OTUD7A: variants seen among roughly 807,000 people sequenced by gnomAD.
OTUD7A encodes OTU domain-containing protein 7A.
OTUD7A carries 12 observed loss-of-function variants against 65.7 expected under a neutral mutation model. That is an observed-to-expected ratio of 0.18 (90% CI 0.12 to 0.30). The LOEUF (loss-of-function observed/expected upper bound fraction) is 0.30, where lower values mean the gene tolerates loss of function less well. OTUD7A is among the 10% of genes least tolerant of loss of function. The pLI, the probability that OTUD7A is intolerant of heterozygous loss-of-function variation, is 1.00. For synonymous variants in OTUD7A, 641 were observed against 586.3 expected (o/e 1.09, Z -1.35); for missense variants, 1,148 against 1,304.8 (o/e 0.88, Z 1.85).
At chr15:31,552,956 A>G (rs999254475) in intron 5 of OTUD7A, among the ~76,000 whole-genome samples, 4 of 152,156 alleles carry the variant, frequency 2.6e-5, no homozygotes, top group African/African-American at 9.7e-5. Context: ...GGGAGTGTAA[A>G]AGTAGCTGGA....
At position 31,559,027 on chromosome 15, in the gene OTUD7A, C is replaced by T. The variant is rs748719020; in HGVS notation, c.492G>A (p.Arg164=). 7.4e-6 allele frequency: 12 copies of T among 1,614,228 alleles called. No homozygotes were observed. The highest frequency in any genetic ancestry group is 3.3e-5 in the South Asian group (3 of 91,088). ...CGATCAAGTCCCGCTCGATGAAGCTCCTGAAATCCTCGCTGTACACGCTCA... is the reference window on the plus strand; with the variant it reads ...CGATCAAGTCCCGCTCGATGAAGCTTCTGAAATCCTCGCTGTACACGCTCA... ...PDLSVYSEDF[R]SFIERDLIEQ... is the part of the protein sequence containing the mutation. The change falls in exon 5 of 13, where the codon AGG becomes AGA. Residue 164 remains arginine, a synonymous_variant. Transcript: ENST00000307050.
At chr15:31,600,760 A>G (rs1890049109) in intron 3 of OTUD7A, among the ~76,000 whole-genome samples, 1 of 152,218 alleles carries the variant, frequency 6.6e-6, no homozygotes, top group Admixed American at 6.5e-5. Context: ...AAAGGGATGG[A>G]GGAATATTTA....
chr15:31,585,600 G>A (rs1031670478), intron 3 of OTUD7A, among the ~76,000 whole-genome samples: 6 of 152,144 alleles, frequency 3.9e-5, no homozygotes, highest in South Asian at 4.2e-4. Context: ...TTCTATCTGC[G>A]GCTTCCCTGC....
At chr15:31,504,310 A>T (rs1448999510) in intron 8 of OTUD7A, among the ~76,000 whole-genome samples, 1 of 151,982 alleles carries the variant, frequency 6.6e-6, no homozygotes, top group Admixed American at 6.5e-5. Context: ...ACTCACCCCA[A>T]TGGAGGAGAA....
intron 3 of OTUD7A, among the ~76,000 whole-genome samples, chr15:31,648,220 C>A (rs906443197): frequency 4.6e-5 from 7 of 152,126 alleles, no homozygotes; most frequent in Non-Finnish European, 7.4e-5. Context: ...AAAAGGAAAT[C>A]TTGAGTTCCT....
intron 5 of OTUD7A, among the ~76,000 whole-genome samples, chr15:31,553,537 C>T (rs899415979): frequency 6.6e-6 from 1 of 152,116 alleles, no homozygotes; most frequent in Non-Finnish European, 1.5e-5. Flanking sequence ...ACAAGTCTCA[C>T]TACAGTCTCG....
At chr15:31,649,870 T>C (rs12904841) in intron 3 of OTUD7A, 96,951 of 334,360 alleles carry the variant, frequency 0.29, 18,013 homozygotes, top group African/African-American at 0.65. Context: ...TGCCACAGAG[T>C]TGGAGGTGAG....
At chr15:31,708,330 C>T (rs536882772) in intron 1 of OTUD7A, among the ~76,000 whole-genome samples, 1 of 151,874 alleles carries the variant, frequency 6.6e-6, no homozygotes, top group African/African-American at 2.4e-5. Context: ...TTAAATTGCA[C>T]ATGCCCTTTG....
intron 3 of OTUD7A, among the ~76,000 whole-genome samples, chr15:31,594,727 T>TGGGTGAGCA (rs1011698975): frequency 1.3e-5 from 2 of 152,202 alleles, no homozygotes; most frequent in Non-Finnish European, 2.9e-5. Flanking sequence ...GATCAGAATT[T>TGGGTGAGCA]GGGTGAGCAG....
At chr15:31,591,970 G>A (rs1330884877) in intron 3 of OTUD7A, among the ~76,000 whole-genome samples, 1 of 152,086 alleles carries the variant, frequency 6.6e-6, no homozygotes, top group East Asian at 1.9e-4. Flanking sequence ...GTAACATAAT[G>A]GTAAGTATTT....
intron 1 of OTUD7A, among the ~76,000 whole-genome samples, chr15:31,859,012 G>C (rs974298873): frequency 1.6e-4 from 24 of 152,138 alleles, no homozygotes; most frequent in Non-Finnish European, 5.9e-5. Context: ...AGAGTTATTG[G>C]GAAGATCAAA....
At chr15:31,868,534 C>A (rs1332272619) in intron 1 of OTUD7A, among the ~76,000 whole-genome samples, 1 of 152,202 alleles carries the variant, frequency 6.6e-6, no homozygotes, top group African/African-American at 2.4e-5. Flanking sequence ...TCTACAGCAA[C>A]TACACACAGC....
chr15:31,852,198 T>G (rs1897446131), intron 1 of OTUD7A, among the ~76,000 whole-genome samples: 1 of 152,176 alleles, frequency 6.6e-6, no homozygotes, highest in South Asian at 2.1e-4. Context: ...TGCCAGCAAT[T>G]GAAGACAGTA....
rs1417330426 is a variant in OTUD7A, at chr15:31,503,782, C to T, written c.930G>A (p.Leu310=). 1 of 1,614,092 alleles carries T rather than the reference C, an allele frequency of 6.2e-7. No homozygotes were observed. The highest frequency in any genetic ancestry group is 8.5e-7 in the Non-Finnish European group (1 of 1,180,028). ...CTAGGACAAAAACGTGGAACTCTTCCAGGCTCTCGTACACGGGGTCCTCAG... is the reference window on the plus strand; with the variant it reads ...CTAGGACAAAAACGTGGAACTCTTCTAGGCTCTCGTACACGGGGTCCTCAG... ...DNSEDPVYES[L]EEFHVFVLAH... The change falls in exon 9 of 13, where the codon CTG becomes CTA. Residue 310 remains leucine, a synonymous_variant. Transcript: ENST00000307050.
intron 1 of OTUD7A, among the ~76,000 whole-genome samples, chr15:31,789,222 G>A (rs1166251388): frequency 3.3e-5 from 5 of 152,124 alleles, no homozygotes; most frequent in Admixed American, 2.0e-4. Flanking sequence ...CCTTCCTCAT[G>A]CAGGGTAGAA....
intron 1 of OTUD7A, among the ~76,000 whole-genome samples, chr15:31,731,821 T>C (rs912399632): frequency 6.6e-6 from 1 of 152,128 alleles, no homozygotes; most frequent in African/African-American, 2.4e-5. Context: ...GAACAGGGAC[T>C]CTTTACACCT....
At chr15:31,659,604 C>A (rs1206511871) in intron 1 of OTUD7A, among the ~76,000 whole-genome samples, 2 of 152,236 alleles carry the variant, frequency 1.3e-5, no homozygotes, top group African/African-American at 4.8e-5. Flanking sequence ...TTGGCATGAC[C>A]ATTTTTCCTT....
intron 1 of OTUD7A, among the ~76,000 whole-genome samples, chr15:31,848,499 T>A (rs1897341337): frequency 6.6e-6 from 1 of 152,192 alleles, no homozygotes; most frequent in Non-Finnish European, 1.5e-5. Flanking sequence ...TTAAGAAATT[T>A]CAGTCAGAAG....
At chr15:31,736,410 T>C (rs1282140686) in intron 1 of OTUD7A, among the ~76,000 whole-genome samples, 1 of 152,180 alleles carries the variant, frequency 6.6e-6, no homozygotes, top group Admixed American at 6.5e-5. Flanking sequence ...ATATTTTCCA[T>C]AGTTGAATGT....
Sources: gnomAD v4.1 joint callset for allele counts (sites outside exome capture counted in the v4.1 genomes callset) on GRCh38, gnomAD v4.1.1 for gene constraint, MANE v1.5 for transcripts, NCBI Gene and HGNC (gene_info 2026-07-23, HGNC 2026-07-21) for gene names.